ZNF93: variants seen among roughly 807,000 people sequenced by gnomAD.
ZNF93 encodes the protein zinc finger protein 93.
Under a neutral mutation model 45.0 loss-of-function variants are expected in ZNF93, and 29 were observed. That is an observed-to-expected ratio of 0.64 (90% confidence interval 0.48 to 0.88). The LOEUF is 0.88. ZNF93 is among the 40% of genes least tolerant of loss of function. The pLI is 0.00. For synonymous variants in ZNF93, 223 were observed against 244.6 expected (o/e 0.91, Z 0.82); for missense variants, 578 against 724.0 (o/e 0.80, Z 2.31).
chr19:19,915,178 A>G (rs767659513), intron 1 of ZNF93, 102 bp from the exon 2 acceptor site: 41 of 1,597,428 alleles, frequency 2.6e-5, no homozygotes, highest in East Asian at 4.5e-5. Flanking sequence ...AGTCAGTCCT[A>G]TAAGTCAGAA....
At chr19:19,930,079 T>C (rs907002155) in intron 3 of ZNF93, among the ~76,000 whole-genome samples, 4 of 151,492 alleles carry the variant, frequency 2.6e-5, no homozygotes, top group Admixed American at 2.0e-4. Flanking sequence ...TGCAGTGTTA[T>C]TTATTGAATA....
rs987800644 is a variant in ZNF93 at position 19,934,768 on chromosome 19, C to T, written c.1813C>T (p.Pro605Ser). Reference protein sequence around the residue: ...CDKCGKAFISPSSLSRHEIIH... With the variant: ...CDKCGKAFISSSSLSRHEIIH... ...TAAATGTGGCAAAGCCTTTATTTCA[C>T]CCTCAAGCCTTAGTAGACATGAGAT... The change falls in exon 4 of 4, where the codon CCC becomes TCC. Residue 605 changes from proline (P) to serine (S), a missense_variant. This residue lies in a region of ZNF93 where 119 missense variants were observed against 123.1 expected (regional missense o/e 0.97). Transcript: ENST00000343769. 3 of 1,605,724 alleles carry T rather than the reference C, an allele frequency of 1.9e-6. No homozygotes were observed. In the African/African-American group the frequency reaches 4.0e-5, roughly 22 times the overall value.
chr19:19,903,460 G>GC (rs2063282529), intron 1 of ZNF93, among the ~76,000 whole-genome samples: 1 of 152,068 alleles, frequency 6.6e-6, no homozygotes, highest in Non-Finnish European at 1.5e-5. Flanking sequence ...TTTAGGCCTG[G>GC]CCCGGTGGCT....
At chr19:19,912,868 C>G (rs1327162354) in intron 1 of ZNF93, among the ~76,000 whole-genome samples, 1 of 152,196 alleles carries the variant, frequency 6.6e-6, no homozygotes, top group Non-Finnish European at 1.5e-5. Flanking sequence ...TACTCTAGCA[C>G]ATAGTGCCTG....
intron 3 of ZNF93, among the ~76,000 whole-genome samples, chr19:19,928,126 AAT>A (rs1296735187): frequency 2.6e-5 from 4 of 152,192 alleles, no homozygotes; most frequent in African/African-American, 9.7e-5. Context: ...GTTTATTTAA[AAT>A]ATGTTTTTGT....
At chr19:19,929,354 A>G (rs1482977809) in intron 3 of ZNF93, among the ~76,000 whole-genome samples, 1 of 152,196 alleles carries the variant, frequency 6.6e-6, no homozygotes, top group African/African-American at 2.4e-5. Flanking sequence ...AAGAATCAAT[A>G]TAGTCTATAA....
chr19:19,911,289 A>ACCC (rs771275235), intron 1 of ZNF93, among the ~76,000 whole-genome samples: 16 of 152,096 alleles, frequency 1.1e-4, no homozygotes, highest in Non-Finnish European at 2.4e-4. Flanking sequence ...TCTCACAATC[A>ACCC]CCCAGGTGTC....
chr19:19,932,362 C>G (rs1022833449), intron 3 of ZNF93: 1 of 152,244 alleles, frequency 6.6e-6, no homozygotes, highest in African/African-American at 2.4e-5. Context: ...AAATAACTAC[C>G]AATCCTTTGT....
intron 3 of ZNF93, among the ~76,000 whole-genome samples, chr19:19,918,067 A>G (rs943850293): frequency 2.0e-5 from 3 of 151,870 alleles, no homozygotes; most frequent in African/African-American, 7.3e-5. Flanking sequence ...CGTCATTTAC[A>G]TTAGGTGTAT....
chr19:19,927,155 G>A (rs778152779), intron 3 of ZNF93: 7 of 398,386 alleles, frequency 1.8e-5, no homozygotes, highest in Admixed American at 4.4e-5. Flanking sequence ...CAGGATTTTG[G>A]GAGGTCAAGC....
rs530360053 is a variant in ZNF93 at position 19,935,115 on chromosome 19, C to G, written c.*297C>G. 5.0e-5 allele frequency: 17 copies of G among 337,432 alleles called. No homozygotes were observed. The East Asian group carries it at 7.5e-4, about 15-fold the overall frequency. The allele number at this position is 337,432 out of a possible 1,614,324, so 20.9% of individuals were successfully genotyped here. A position where few individuals can be genotyped will look rare whatever the true frequency, so the allele number is the denominator to read the frequency against. On this transcript the variant is annotated 3_prime_UTR_variant, in exon 4 of 4. Coordinates refer to ENST00000343769, the MANE Select transcript of ZNF93 (RefSeq NM_031218.4). Reference sequence around the variant, plus strand: ...CCCACACAGTTAACCTGAGGAAATGCTCTCTGGTACTCACTGAAAGCCACA... The same window carrying G: ...CCCACACAGTTAACCTGAGGAAATGGTCTCTGGTACTCACTGAAAGCCACA...
intron 3 of ZNF93, 91 bp from the exon 4 acceptor site, chr19:19,933,091 T>C (rs1352475274): frequency 4.0e-6 from 4 of 990,126 alleles, no homozygotes; most frequent in Non-Finnish European, 5.6e-6. Flanking sequence ...ATCTTAGTTA[T>C]GTAGTTTGTA....
chr19:19,904,116 ATTT>A (rs60853268), intron 1 of ZNF93, among the ~76,000 whole-genome samples: 1 of 141,030 alleles, frequency 7.1e-6, no homozygotes, highest in Non-Finnish European at 1.5e-5. Context: ...AATACAGCTG[ATTT>A]TTTTTTTTTT....
rs1461468436 is a variant in ZNF93 at position 19,935,486 on chromosome 19, T to C, written c.*668T>C. 6.6e-6 allele frequency: 1 copy of C among 152,302 alleles called. No homozygotes were observed. Among genetic ancestry groups the C allele is most frequent in the Non-Finnish European group, 1.5e-5 (1 of 68,128 alleles). The allele number at this position is 152,302 out of a possible 1,614,324, so 9.4% of individuals were successfully genotyped here. ...CAGACACCAGTACAAAACTATATTA[T>C]GCCCATTGTCTGGTTCTATTTTAAT... On this transcript the variant is annotated 3_prime_UTR_variant, in exon 4 of 4. Coordinates refer to ENST00000343769, the MANE Select transcript of ZNF93 (RefSeq NM_031218.4).
rs772965609 is a variant in ZNF93, at chr19:19,916,622, A to G, written c.193A>G (p.Met65Val). ...GGAGCAAGGAAAAAAACCTTTGACT[A>G]TGAAGAGACATGAGATGGTAGCCAA... ...HLEQGKKPLT[M>V]KRHEMVANPS... is the part of the protein sequence containing the mutation. Residue 65 changes from methionine (M) to valine (V), a missense_variant, in exon 3 of 4, where the codon ATG becomes GTG. Physicochemically the swap from Met to Val is conservative, Grantham distance 21 (BLOSUM62 1). Coordinates refer to ENST00000343769, the MANE Select transcript of ZNF93 (RefSeq NM_031218.4). The G allele has an allele frequency of 4.3e-6, 7 of 1,612,024 alleles. No homozygotes were observed. The highest frequency in any genetic ancestry group is 2.2e-5 in the East Asian group (1 of 44,832).
intron 3 of ZNF93, among the ~76,000 whole-genome samples, chr19:19,922,733 C>T (rs1391097580): frequency 6.6e-6 from 1 of 152,218 alleles, no homozygotes. Flanking sequence ...ATCAAATCAG[C>T]TACTGATGCT....
intron 1 of ZNF93, among the ~76,000 whole-genome samples, chr19:19,906,054 G>A (rs1434732701): frequency 6.6e-6 from 1 of 152,084 alleles, no homozygotes; most frequent in Non-Finnish European, 1.5e-5. Context: ...CCAATTATAA[G>A]GTTTCTGGGT....
At chr19:19,917,936 CCTTCTTTCT>C (rs1236563246) in intron 3 of ZNF93, among the ~76,000 whole-genome samples, 2 of 146,184 alleles carry the variant, frequency 1.4e-5, no homozygotes, top group African/African-American at 5.5e-5. Flanking sequence ...TTCCTTCCTT[CCTTCTTTCT>C]TTTTTTTTCT....
intron 3 of ZNF93, chr19:19,932,671 C>T (rs1219092930): frequency 6.6e-6 from 1 of 152,130 alleles, no homozygotes; most frequent in Non-Finnish European, 1.5e-5. Flanking sequence ...ATATTTGCTG[C>T]ATTCTGTTTT....
Sources: gnomAD v4.1 joint callset for allele counts (sites outside exome capture counted in the v4.1 genomes callset) on GRCh38, gnomAD v4.1.1 for gene constraint, gnomAD v4.1.1 regional missense constraint, MANE v1.5 for transcripts, NCBI Gene and HGNC (gene_info 2026-07-23, HGNC 2026-07-21) for gene names.